NPAS3: variants seen among roughly 807,000 people sequenced by gnomAD.
NPAS3 encodes neuronal PAS domain protein 3.
Under a neutral mutation model 73.1 loss-of-function variants are expected in NPAS3, and 14 were observed. The observed-to-expected ratio is 0.19, with a 90% CI of 0.13 to 0.30. The LOEUF (loss-of-function observed/expected upper bound fraction) is 0.30, where lower values mean the gene tolerates loss of function less well. Among genes scored for constraint, NPAS3 ranks in the 10% least tolerant of loss-of-function variants. The pLI is 1.00. For synonymous variants in NPAS3, 620 were observed against 541.5 expected (o/e 1.14, Z -2.01); for missense variants, 1,096 against 1,250.0 (o/e 0.88, Z 1.86).
intron 5 of NPAS3, among the ~76,000 whole-genome samples, chr14:33,670,492 T>C (rs984383775): frequency 2.0e-5 from 3 of 152,156 alleles, no homozygotes; most frequent in Non-Finnish European, 2.9e-5. Context: ...TTCTGCAATA[T>C]GTAGGAAGTT....
chr14:33,331,567 C>CT (rs36058599), intron 3 of NPAS3, among the ~76,000 whole-genome samples: 12 of 151,490 alleles, frequency 7.9e-5, no homozygotes, highest in African/African-American at 2.9e-4. Flanking sequence ...TCTATTCCCC[C>CT]TTACTGTCAG....
chr14:33,715,468 G>A (rs1718630202), intron 6 of NPAS3, among the ~76,000 whole-genome samples: 1 of 152,120 alleles, frequency 6.6e-6, no homozygotes, highest in African/African-American at 2.4e-5. Context: ...ACTCCTTAGA[G>A]TTGTACTCCC....
At chr14:33,045,838 A>G (rs2040489118) in intron 1 of NPAS3, among the ~76,000 whole-genome samples, 1 of 152,212 alleles carries the variant, frequency 6.6e-6, no homozygotes, top group Non-Finnish European at 1.5e-5. Flanking sequence ...CAGAACCTTT[A>G]AATTAAACGA....
chr14:33,678,665 A>G (rs2059840084), intron 6 of NPAS3, among the ~76,000 whole-genome samples: 1 of 151,624 alleles, frequency 6.6e-6, no homozygotes, highest in Non-Finnish European at 1.5e-5. Context: ...CTGAGGTTAA[A>G]TTTGGTCTTC....
chr14:33,495,441 T>C (rs2052128002), intron 4 of NPAS3, among the ~76,000 whole-genome samples: 1 of 152,152 alleles, frequency 6.6e-6, no homozygotes, highest in Admixed American at 6.5e-5. Context: ...GAGAAGAATG[T>C]ATATTCTCTT....
chr14:33,073,829 TGA>T (rs1566531511), intron 2 of NPAS3, among the ~76,000 whole-genome samples: 1 of 152,084 alleles, frequency 6.6e-6, no homozygotes, highest in African/African-American at 2.4e-5. Flanking sequence ...ATGGAGTGGA[TGA>T]GAGAGAGAGG....
At chr14:33,710,946 C>T (rs903015529) in intron 6 of NPAS3, among the ~76,000 whole-genome samples, 1 of 152,140 alleles carries the variant, frequency 6.6e-6, no homozygotes, top group Non-Finnish European at 1.5e-5. Context: ...TACAAAGTGC[C>T]AAGGTTCTCA....
At chr14:33,553,690 C>T (rs1039878533) in intron 4 of NPAS3, among the ~76,000 whole-genome samples, 1 of 152,260 alleles carries the variant, frequency 6.6e-6, no homozygotes. Context: ...AAAGCCTAAA[C>T]CTTTGATGTG....
At chr14:33,433,013 T>A (rs769203084) in intron 4 of NPAS3, among the ~76,000 whole-genome samples, 3 of 152,248 alleles carry the variant, frequency 2.0e-5, no homozygotes. Context: ...TAGAAATCTT[T>A]GCTTTTACCA....
intron 3 of NPAS3, among the ~76,000 whole-genome samples, chr14:33,360,291 T>G (rs1215111427): frequency 4.6e-5 from 7 of 152,164 alleles, no homozygotes; most frequent in African/African-American, 1.7e-4. Flanking sequence ...TCTATATTCT[T>G]TATTCTGAAG....
intron 2 of NPAS3, among the ~76,000 whole-genome samples, chr14:33,080,508 C>G (rs8006049): frequency 0.13 from 19,184 of 152,208 alleles, 1,704 homozygotes; most frequent in African/African-American, 0.26. Context: ...TTAAGTGCCA[C>G]AGTGACCATT....
At chr14:33,101,744 C>T (rs1261864873) in intron 2 of NPAS3, among the ~76,000 whole-genome samples, 3 of 152,078 alleles carry the variant, frequency 2.0e-5, no homozygotes, top group Non-Finnish European at 4.4e-5. Context: ...TATGTTAATG[C>T]CCCCAGATCT....
At chr14:33,297,030 T>A (rs1206688188) in intron 3 of NPAS3, among the ~76,000 whole-genome samples, 1 of 152,334 alleles carries the variant, frequency 6.6e-6, no homozygotes, top group South Asian at 2.1e-4. Context: ...CATCCTTTTT[T>A]TCTCTCTGCA....
At chr14:33,450,287 T>C (rs1483271007) in intron 4 of NPAS3, among the ~76,000 whole-genome samples, 1 of 152,206 alleles carries the variant, frequency 6.6e-6, no homozygotes, top group Admixed American at 6.5e-5. Context: ...GTGTGGTAGG[T>C]TCTGCTGATG....
chr14:32,952,150 A>G (rs1041882303), intron 1 of NPAS3, among the ~76,000 whole-genome samples: 1 of 152,086 alleles, frequency 6.6e-6, no homozygotes, highest in Non-Finnish European at 1.5e-5. Context: ...CCCTATAACT[A>G]TGTAGTTATA....
At chr14:33,782,409 G>T (rs1305967466) in intron 9 of NPAS3, among the ~76,000 whole-genome samples, 1 of 152,164 alleles carries the variant, frequency 6.6e-6, no homozygotes, top group Non-Finnish European at 1.5e-5. Context: ...CAAAAATGGA[G>T]TGCTAAACCA....
At chr14:33,153,926 C>G (rs562822430) in intron 2 of NPAS3, among the ~76,000 whole-genome samples, 23 of 152,238 alleles carry the variant, frequency 1.5e-4, no homozygotes, top group African/African-American at 5.5e-4. Context: ...GATATCTCTT[C>G]CCCTGTTTTC....
intron 4 of NPAS3, among the ~76,000 whole-genome samples, chr14:33,543,548 C>T (rs925092162): frequency 4.7e-5 from 7 of 150,268 alleles, no homozygotes; most frequent in East Asian, 2.0e-4. Context: ...AAAGAGTGGC[C>T]CAGGAGTCAC....
chr14:33,650,176 G>A (rs917912403), intron 5 of NPAS3, among the ~76,000 whole-genome samples: 1 of 152,208 alleles, frequency 6.6e-6, no homozygotes, highest in Non-Finnish European at 1.5e-5. Context: ...GGAAAGCAAA[G>A]AAAATCTTGC....
Sources: gnomAD v4.1 joint callset for allele counts (sites outside exome capture counted in the v4.1 genomes callset) on GRCh38, gnomAD v4.1.1 for gene constraint, MANE v1.5 for transcripts, NCBI Gene and HGNC (gene_info 2026-07-23, HGNC 2026-07-21) for gene names.